KCNQ5: variants seen among roughly 807,000 people sequenced by gnomAD.
The protein encoded by KCNQ5 is potassium voltage-gated channel subfamily Q member 5.
Under a neutral mutation model 98.2 loss-of-function variants are expected in KCNQ5, and 30 were observed. The ratio of observed to expected loss-of-function variants is 0.31; its 90% confidence interval spans 0.23 to 0.41. The LOEUF (loss-of-function observed/expected upper bound fraction) is 0.41. KCNQ5 is among the 10% of genes least tolerant of loss of function. The pLI is 1.00. For synonymous variants in KCNQ5, 458 were observed against 449.4 expected (o/e 1.02, Z -0.24); for missense variants, 835 against 1,182.5 (o/e 0.71, Z 4.31).
chr6:72,782,886 T>C (rs529230643), intron 1 of KCNQ5, among the ~76,000 whole-genome samples: 11 of 152,322 alleles, frequency 7.2e-5, no homozygotes, highest in African/African-American at 2.6e-4. Context: ...TCAAATGTTT[T>C]TCAATGAATG....
chr6:72,622,318 G>T lies in KCNQ5; in HGVS notation c.129G>T (p.Arg43=). ...GCATGAAGGATGTGGAGTCCGGCCG[G>T]GGCAGGGTGCTGCTGAACTCGGCAG... ...GSGMKDVESG[R]GRVLLNSAAA... Residue 43 remains arginine (R), a synonymous_variant, in exon 1 of 14, where the codon CGG becomes CGT. Coordinates refer to ENST00000370398, the MANE Select transcript of KCNQ5 (RefSeq NM_019842.4). The surrounding 1 kb of genome is among the most constrained non-coding windows in gnomAD (Gnocchi z 6.0). The T allele has an allele frequency of 7.2e-7, 1 of 1,398,166 alleles. No homozygotes were observed. The highest frequency in any genetic ancestry group is 9.2e-7 in the Non-Finnish European group (1 of 1,081,470). 86.6% of individuals were successfully genotyped at this position (1,398,166 alleles called of 1,614,324 possible).
chr6:72,706,523 A>G (rs570883263), intron 1 of KCNQ5, among the ~76,000 whole-genome samples: 3 of 152,056 alleles, frequency 2.0e-5, no homozygotes, highest in Non-Finnish European at 4.4e-5. Flanking sequence ...AATCAGCTTA[A>G]GAATATCAAT....
intron 1 of KCNQ5, among the ~76,000 whole-genome samples, chr6:72,959,987 A>C (rs913108130): frequency 1.3e-5 from 2 of 152,232 alleles, no homozygotes; most frequent in African/African-American, 2.4e-5. Flanking sequence ...AAAACATGCC[A>C]AGCTGTAGGC....
intron 1 of KCNQ5, among the ~76,000 whole-genome samples, chr6:72,988,666 T>TTTTG (rs1768945196): frequency 6.7e-6 from 1 of 149,226 alleles, no homozygotes; most frequent in Admixed American, 6.7e-5. Context: ...TTTTTTTTTT[T>TTTTG]TATTATACTC....
intron 1 of KCNQ5, among the ~76,000 whole-genome samples, chr6:72,792,675 C>T (rs1048791499): frequency 7.9e-5 from 12 of 152,102 alleles, no homozygotes; most frequent in Admixed American, 1.3e-4. Context: ...ACCAGGAAAG[C>T]GTAGCTACAG....
At chr6:72,688,833 A>G (rs1301306537) in intron 1 of KCNQ5, among the ~76,000 whole-genome samples, 1 of 152,216 alleles carries the variant, frequency 6.6e-6, no homozygotes, top group Admixed American at 6.5e-5. Context: ...TGAGTTTTTA[A>G]AATTTTTGGT....
At chr6:73,056,427 A>G (rs987239733) in intron 3 of KCNQ5, among the ~76,000 whole-genome samples, 4 of 152,176 alleles carry the variant, frequency 2.6e-5, no homozygotes, top group African/African-American at 9.7e-5. Flanking sequence ...TAGTGTATAT[A>G]AATAATACAA....
At chr6:72,775,976 A>T (rs2154477633) in intron 1 of KCNQ5, among the ~76,000 whole-genome samples, 1 of 152,324 alleles carries the variant, frequency 6.6e-6, no homozygotes, top group Admixed American at 6.5e-5. Context: ...TGAATAAAGT[A>T]TGGACTTTAA....
At chr6:72,877,992 C>T (rs548261920) in intron 1 of KCNQ5, among the ~76,000 whole-genome samples, 29 of 152,312 alleles carry the variant, frequency 1.9e-4, no homozygotes, top group South Asian at 1.4e-3. Context: ...ATCCATAGGC[C>T]GGGTACAGTG....
intron 1 of KCNQ5, among the ~76,000 whole-genome samples, chr6:72,962,308 G>A (rs1376341032): frequency 6.8e-6 from 1 of 146,266 alleles, no homozygotes. Context: ...GGTATGCAAA[G>A]GCATACAGAG....
At chr6:73,126,952 T>C (rs1158401509) in intron 9 of KCNQ5, among the ~76,000 whole-genome samples, 2 of 151,904 alleles carry the variant, frequency 1.3e-5, no homozygotes, top group African/African-American at 2.4e-5. Flanking sequence ...AGGAGAAATA[T>C]AAAAAGAGAA....
intron 2 of KCNQ5, among the ~76,000 whole-genome samples, chr6:73,028,269 G>A (rs1770980383): frequency 6.6e-6 from 1 of 152,226 alleles, no homozygotes; most frequent in African/African-American, 2.4e-5. Context: ...CAGCTGCATA[G>A]TCAGGCTACC....
chr6:73,162,539 G>A (rs1777653470), intron 10 of KCNQ5, among the ~76,000 whole-genome samples: 1 of 152,118 alleles, frequency 6.6e-6, no homozygotes, highest in Non-Finnish European at 1.5e-5. Flanking sequence ...CAAAATACCA[G>A]GACAGAGAGG....
intron 1 of KCNQ5, among the ~76,000 whole-genome samples, chr6:72,739,850 T>C (rs1771039367): frequency 6.6e-6 from 1 of 152,196 alleles, no homozygotes. Flanking sequence ...TTAATTATTG[T>C]GTTTTAAGAA....
intron 1 of KCNQ5, among the ~76,000 whole-genome samples, chr6:72,983,731 G>T (rs373535872): frequency 7.2e-5 from 11 of 152,128 alleles, no homozygotes; most frequent in Non-Finnish European, 1.6e-4. Flanking sequence ...GAGGCGCTGC[G>T]ATCCTTTGGA....
intron 1 of KCNQ5, among the ~76,000 whole-genome samples, chr6:72,905,615 T>C (rs1010989532): frequency 6.6e-6 from 1 of 152,224 alleles, no homozygotes; most frequent in Admixed American, 6.5e-5. Context: ...TGTGGCTTCC[T>C]GAGAGCCAAG....
intron 1 of KCNQ5, among the ~76,000 whole-genome samples, chr6:72,954,907 C>G (rs1766974036): frequency 6.6e-6 from 1 of 152,208 alleles, no homozygotes; most frequent in South Asian, 2.1e-4. Context: ...TACAAGCTCA[C>G]AGCTCACACG....
chr6:72,758,597 A>G (rs533818229), intron 1 of KCNQ5, among the ~76,000 whole-genome samples: 3 of 152,330 alleles, frequency 2.0e-5, no homozygotes, highest in African/African-American at 7.2e-5. Context: ...GAATATAGCA[A>G]GAAGCTTTTG....
At position 72,622,213 on chromosome 6, in the gene KCNQ5, AGAG is replaced by A; in HGVS notation, c.29_31del (p.Glu10del). The A allele has an allele frequency of 8.1e-7, 1 of 1,229,300 alleles. No homozygotes were observed. The highest frequency in any genetic ancestry group is 1.0e-6 in the Non-Finnish European group (1 of 986,954). The allele number at this position is 1,229,300 out of a possible 1,614,324, so 76.1% of individuals were successfully genotyped here. ...CCATGCCCCGCCACCACGCGGGAGG[AGAG>A]GAGGGCGGCGCCGCCGGGCTCTGGG... On this transcript the variant is annotated inframe_deletion, in exon 1 of 14. Transcript: ENST00000370398. This position sits in a 1 kb window ranked among gnomAD's most constrained non-coding sequence, Gnocchi z 6.0.
Sources: allele counts gnomAD v4.1 joint callset (sites outside exome capture counted in the v4.1 genomes callset), GRCh38; gene constraint gnomAD v4.1.1; non-coding constraint Gnocchi (gnomAD v3.1); transcripts MANE v1.5; gene names NCBI Gene and HGNC (gene_info 2026-07-23, HGNC 2026-07-21).